The following ATOSA variants were observed in gnomAD, a reference collection of about 807,000 sequenced individuals.
ATOSA encodes the protein atos homolog protein A.
At chr15:52,612,743 T>C in the ATOSA span, among the ~76,000 whole-genome samples, 1,385 of 152,072 alleles carry the variant, frequency 9.1e-3, 20 homozygotes, top group African/African-American at 0.031. Context: ...GACCTCGTGA[T>C]GCACCCTCCT....
chr15:52,630,163 C>G, the ATOSA span, among the ~76,000 whole-genome samples: 1 of 152,126 alleles, frequency 6.6e-6, no homozygotes, highest in East Asian at 1.9e-4. Context: ...TCTACTAGCA[C>G]TCCTATAAAT....
the ATOSA span, among the ~76,000 whole-genome samples, chr15:52,689,115 A>T: frequency 5.9e-5 from 9 of 152,102 alleles, no homozygotes; most frequent in Non-Finnish European, 1.2e-4. Flanking sequence ...TATTCCCCCC[A>T]AAAAACATTA....
At chr15:52,610,122 T>C in the ATOSA span, 2 of 1,614,032 alleles carry the variant, frequency 1.2e-6, no homozygotes, top group East Asian at 2.2e-5. Context: ...ACAGACGCTG[T>C]GAACTGTTTG....
At chr15:52,618,257 T>C in the ATOSA span, among the ~76,000 whole-genome samples, 2 of 152,152 alleles carry the variant, frequency 1.3e-5, no homozygotes, top group African/African-American at 4.8e-5. Flanking sequence ...GCCAGCATGG[T>C]CTCGATCTCC....
the ATOSA span, among the ~76,000 whole-genome samples, chr15:52,686,828 T>C: frequency 6.6e-6 from 1 of 152,338 alleles, no homozygotes; most frequent in East Asian, 1.9e-4. Context: ...AGGCATGCTC[T>C]ACTGTGCCTG....
At chr15:52,677,113 A>G in the ATOSA span, among the ~76,000 whole-genome samples, 5 of 152,236 alleles carry the variant, frequency 3.3e-5, no homozygotes, top group Non-Finnish European at 5.9e-5. Context: ...AAATATATGG[A>G]AAAACAACCA....
At chr15:52,693,105 T>C in the ATOSA span, among the ~76,000 whole-genome samples, 4 of 152,082 alleles carry the variant, frequency 2.6e-5, no homozygotes, top group Non-Finnish European at 4.4e-5. Flanking sequence ...AAAAGAGACA[T>C]ACAAACGGAA....
the ATOSA span, among the ~76,000 whole-genome samples, chr15:52,619,064 T>C: frequency 1.6e-3 from 242 of 152,356 alleles, no homozygotes; most frequent in African/African-American, 5.7e-3. Context: ...AACTATTACA[T>C]AAGTATTGAA....
At chr15:52,607,034 C>T in the ATOSA span, among the ~76,000 whole-genome samples, 2 of 152,188 alleles carry the variant, frequency 1.3e-5, no homozygotes, top group African/African-American at 2.4e-5. Context: ...GTATATAGTA[C>T]ATTAAGGTCT....
At chr15:52,634,798 C>T in the ATOSA span, among the ~76,000 whole-genome samples, 3 of 152,056 alleles carry the variant, frequency 2.0e-5, no homozygotes, top group Non-Finnish European at 4.4e-5. Flanking sequence ...GACGGGGTTT[C>T]ACCATGTTGG....
the ATOSA span, among the ~76,000 whole-genome samples, chr15:52,603,580 ACCTAAGTG>A: frequency 1.7e-4 from 22 of 127,010 alleles, no homozygotes; most frequent in Middle Eastern, 3.8e-3. Context: ...TATGGAAGCA[ACCTAAGTG>A]TCCATCAATA....
At chr15:52,595,088 A>G in the ATOSA span, among the ~76,000 whole-genome samples, 1 of 152,186 alleles carries the variant, frequency 6.6e-6, no homozygotes, top group Non-Finnish European at 1.5e-5. Context: ...TCCTGAACAA[A>G]TTTACCTGGC....
chr15:52,613,848 T>C, the ATOSA span: 5 of 1,613,446 alleles, frequency 3.1e-6, no homozygotes, highest in African/African-American at 1.3e-5. Context: ...AAAATATTCA[T>C]CCAGAGTATC....
At chr15:52,608,901 G>C in the ATOSA span, 1 of 1,608,132 alleles carries the variant, frequency 6.2e-7, no homozygotes. Flanking sequence ...ACTGAAGATT[G>C]CCAAAGAATT....
the ATOSA span, chr15:52,600,076 G>T: frequency 1.1e-6 from 1 of 914,632 alleles, no homozygotes; most frequent in South Asian, 1.5e-5. Context: ...TGACACCCTA[G>T]AACCTAGGGT....
chr15:52,597,440 C>T, the ATOSA span, among the ~76,000 whole-genome samples: 32 of 152,196 alleles, frequency 2.1e-4, 1 homozygote, highest in South Asian at 1.0e-3. Context: ...GTAATAAAAA[C>T]GAATGAACTC....
the ATOSA span, among the ~76,000 whole-genome samples, chr15:52,588,079 T>A: frequency 7.2e-5 from 11 of 152,184 alleles, no homozygotes; most frequent in African/African-American, 2.4e-4. Flanking sequence ...TCAGGAGTCC[T>A]CCAGTTAGTT....
chr15:52,616,861 AG>A, the ATOSA span, among the ~76,000 whole-genome samples: 1 of 152,210 alleles, frequency 6.6e-6, no homozygotes, highest in Non-Finnish European at 1.5e-5. Flanking sequence ...AGCCAGAAAA[AG>A]TAGTTGCCTG....
chr15:52,652,186 G>T, the ATOSA span: 1 of 763,122 alleles, frequency 1.3e-6, no homozygotes, highest in Non-Finnish European at 1.8e-6. Flanking sequence ...TGTTTTCTTT[G>T]CTCGTCTTAC....
Sources: gnomAD v4.1 joint callset for allele counts (sites outside exome capture counted in the v4.1 genomes callset) on GRCh38, gnomAD v4.1.1 for gene constraint, MANE v1.5 for transcripts, NCBI Gene and HGNC (gene_info 2026-07-23, HGNC 2026-07-21) for gene names.